The following TCTN2 variants were observed in gnomAD, a reference collection of about 807,000 sequenced individuals.
TCTN2 encodes tectonic family member 2.
A neutral mutation model predicts 83.4 loss-of-function variants in TCTN2; 66 were observed. That is an observed-to-expected ratio of 0.79 (90% confidence interval 0.65 to 0.97). The LOEUF is 0.97. Ranked by LOEUF, TCTN2 falls within the 50% of genes least tolerant of loss-of-function variation. TCTN2 has a pLI of 0.00. For synonymous variants in TCTN2, 301 were observed against 326.7 expected (o/e 0.92, Z 0.85); for missense variants, 794 against 858.1 (o/e 0.93, Z 0.93).
rs1266329069 is a variant in TCTN2, at chr12:123,685,603, G to C, written c.565-1233G>C. Among the ~76,000 whole-genome samples, 7 of 151,530 alleles carry C rather than the reference G, an allele frequency of 4.6e-5. No individual in the cohort carries two copies. In the Admixed American group the frequency reaches 4.6e-4, roughly 10 times the overall value. On this transcript the variant is annotated intron_variant, in intron 5 of 17. Transcript: ENST00000303372. ...CTGGCTAATTTTTTTATTTTTAGTA[G>C]AGATGGGGTTTCACCATGTTGGCCA...
intron 7 of TCTN2, among the ~76,000 whole-genome samples, chr12:123,688,721 G>A (rs958676359): frequency 6.6e-6 from 1 of 151,906 alleles, no homozygotes; most frequent in African/African-American, 2.4e-5. Flanking sequence ...AAAACCAAAA[G>A]ATTTTCTATA....
chr12:123,672,025 C>T (rs903834321), intron 2 of TCTN2, 31 bp from the exon 3 acceptor site: 1 of 1,601,578 alleles, frequency 6.2e-7, no homozygotes, highest in Non-Finnish European at 8.6e-7. Flanking sequence ...CTGGACCTTG[C>T]TGCCTTTGCA....
At chr12:123,705,526 T>C (rs1956218923) in intron 15 of TCTN2, among the ~76,000 whole-genome samples, 1 of 152,136 alleles carries the variant, frequency 6.6e-6, no homozygotes, top group Non-Finnish European at 1.5e-5. Context: ...GGGGAGTTTA[T>C]TGGTTCAAGT....
intron 17 of TCTN2, 60 bp downstream of exon 17, chr12:123,707,133 A>AATGATGTC: frequency 7.2e-7 from 1 of 1,381,630 alleles, no homozygotes; most frequent in Non-Finnish European, 1.0e-6. Context: ...AAATTTTTTA[A>AATGATGTC]ATGATGTCTA....
chr12:123,690,512 G>C, intron 7 of TCTN2, 21 bp from the exon 8 acceptor site: 1 of 1,614,122 alleles, frequency 6.2e-7, no homozygotes, highest in Non-Finnish European at 8.5e-7. Flanking sequence ...TAAATCTGTT[G>C]GCTTTGCCCT....
intron 4 of TCTN2, among the ~76,000 whole-genome samples, chr12:123,676,466 G>C (rs1482473698): frequency 6.6e-6 from 1 of 150,950 alleles, no homozygotes; most frequent in Non-Finnish European, 1.5e-5. Flanking sequence ...TACTCGAGAG[G>C]CTGAGGCAGG....
At chr12:123,704,447 T>G (rs1238473842) in intron 14 of TCTN2, 85 bp from the exon 15 acceptor site, 1 of 1,399,882 alleles carries the variant, frequency 7.1e-7, no homozygotes, top group East Asian at 2.5e-5. Context: ...CTGCCTGATA[T>G]TATTCCCCAT....
intron 3 of TCTN2, 97 bp downstream of exon 3, chr12:123,672,229 C>A: frequency 1.8e-6 from 2 of 1,082,336 alleles, no homozygotes; most frequent in South Asian, 1.3e-5. Flanking sequence ...TGGCTTTCTC[C>A]ATGCTCTCAA....
At chr12:123,693,746 G>T (rs535768517) in intron 9 of TCTN2, among the ~76,000 whole-genome samples, 2 of 151,492 alleles carry the variant, frequency 1.3e-5, no homozygotes, top group African/African-American at 4.8e-5. Context: ...GAGCCACGGC[G>T]ACTGGCTCAG....
At chr12:123,679,940 C>T (rs1169737550) in intron 5 of TCTN2, among the ~76,000 whole-genome samples, 7 of 150,720 alleles carry the variant, frequency 4.6e-5, no homozygotes, top group Admixed American at 2.0e-4. Context: ...GGGGTTTCAC[C>T]GTGTTAGCCA....
rs770174734 is a variant in TCTN2 at position 123,671,488 on chromosome 12, C to A, written c.83-19C>A. The A allele has an allele frequency of 5.6e-6, 9 of 1,612,510 alleles. No homozygotes were observed. In the Admixed American group the frequency reaches 8.3e-5, roughly 15 times the overall value. ...CTTCCACTGCTAACCCCTCCTTGTC[C>A]CCTTTCCTTCCCGCCTAGCTTTCAT... On this transcript the variant is annotated intron_variant, in intron 1 of 17. Transcript: ENST00000303372.
At chr12:123,688,244 C>T (rs374706689) in intron 7 of TCTN2, 67 bp downstream of exon 7, 6 of 1,548,284 alleles carry the variant, frequency 3.9e-6, no homozygotes, top group African/African-American at 1.4e-5. Context: ...GAGACGGAGT[C>T]TCGCTCTTAC....
chr12:123,707,293 C>G (rs1956242210), intron 17 of TCTN2: 1 of 617,596 alleles, frequency 1.6e-6, no homozygotes, highest in Non-Finnish European at 2.8e-6. Context: ...GACACCCTGG[C>G]TGGAGTGCAG....
chr12:123,684,085 A>C (rs1004061290), intron 5 of TCTN2, among the ~76,000 whole-genome samples: 45 of 152,148 alleles, frequency 3.0e-4, no homozygotes, highest in African/African-American at 1.1e-3. Context: ...GGAAATGCAA[A>C]CTTATTTTTT....
rs546739911 is a variant in TCTN2, at chr12:123,678,756, T to A, written c.464-433T>A. On this transcript the variant is annotated intron_variant, in intron 4 of 17. Transcript: ENST00000303372. ...CATATACTTCGTGGATTCCTTAATG[T>A]CAAATATTTGGTAATAATGATTTAC... Among the ~76,000 whole-genome samples the A allele has an allele frequency of 1.4e-4, 21 of 152,296 alleles. No homozygotes were observed. In the East Asian group the frequency reaches 4.0e-3, roughly 29 times the overall value.
chr12:123,671,787 C>T (rs1171642014), intron 2 of TCTN2, among the ~76,000 whole-genome samples, 173 bp downstream of exon 2: 1 of 152,122 alleles, frequency 6.6e-6, no homozygotes, highest in Non-Finnish European at 1.5e-5. Flanking sequence ...CGGACAGGTT[C>T]GAAGAAAGCC....
rs372235872 is a variant in TCTN2 at position 123,694,892 on chromosome 12, C to T, written c.1150C>T (p.His384Tyr). 6.0e-5 allele frequency: 96 copies of T among 1,613,116 alleles called. No individual in the cohort carries two copies. The East Asian group carries it at 1.4e-3, about 24-fold the overall frequency. ...CCCTAGAATTGTGAATGTGGAAGAA[C>T]ATTATATTTTCAAATGGAATAATAA... ...STPRIVNVEE[H>Y]YIFKWNNNTI... The change falls in exon 10 of 18, where the codon CAT becomes TAT. Residue 384 changes from histidine to tyrosine, a missense_variant. Physicochemically the swap from His to Tyr is moderately conservative, Grantham distance 83 (BLOSUM62 2). Coordinates refer to ENST00000303372, the MANE Select transcript of TCTN2 (RefSeq NM_024809.5).
At chr12:123,687,778 G>A (rs570575000) in intron 6 of TCTN2, among the ~76,000 whole-genome samples, 1 of 152,092 alleles carries the variant, frequency 6.6e-6, no homozygotes, top group East Asian at 1.9e-4. Context: ...GCCTGGGTAC[G>A]TGGTGAAACC....
intron 5 of TCTN2, among the ~76,000 whole-genome samples, chr12:123,679,650 C>T (rs1215345423): frequency 6.6e-6 from 1 of 152,032 alleles, no homozygotes; most frequent in Non-Finnish European, 1.5e-5. Flanking sequence ...AGGTGTGAGC[C>T]ACCATGCCTT....
Sources: allele counts gnomAD v4.1 joint callset (sites outside exome capture counted in the v4.1 genomes callset), GRCh38; gene constraint gnomAD v4.1.1; transcripts MANE v1.5; gene names NCBI Gene and HGNC (gene_info 2026-07-23, HGNC 2026-07-21).